Variants in PPARGC1A observed in about 807,000 individuals in gnomAD.
The protein encoded by PPARGC1A is peroxisome proliferator-activated receptor gamma coactivator 1-alpha.
PPARGC1A carries 25 observed loss-of-function variants against 88.7 expected under a neutral mutation model. The ratio of observed to expected loss-of-function variants is 0.28; its 90% CI spans 0.21 to 0.39. The LOEUF (loss-of-function observed/expected upper bound fraction) is 0.39, where lower values mean the gene tolerates loss of function less well. PPARGC1A is among the 10% of genes least tolerant of loss of function. PPARGC1A has a pLI of 1.00. For synonymous variants in PPARGC1A, 363 were observed against 355.6 expected, an observed-to-expected ratio of 1.02 and a Z score of -0.24; for missense variants, 880 against 968.7, an observed-to-expected ratio of 0.91 and a Z score of 1.22.
chr4:24,158,220 C>G, the PPARGC1A span, among the ~76,000 whole-genome samples: 1 of 152,170 alleles, frequency 6.6e-6, no homozygotes. Flanking sequence ...ATAGACATCT[C>G]CCCAGGGCAA....
the PPARGC1A span, among the ~76,000 whole-genome samples, chr4:23,986,317 T>C: frequency 6.6e-6 from 1 of 152,118 alleles, no homozygotes; most frequent in African/African-American, 2.4e-5. Flanking sequence ...CGTACTTTGG[T>C]TCGTGGCATT....
At chr4:24,339,864 G>A in the PPARGC1A span, among the ~76,000 whole-genome samples, 3 of 151,606 alleles carry the variant, frequency 2.0e-5, no homozygotes, top group Admixed American at 1.3e-4. Flanking sequence ...TCAGCCTCCC[G>A]AGTAGCTGGG....
the PPARGC1A span, among the ~76,000 whole-genome samples, chr4:24,430,947 T>C: frequency 2.0e-5 from 3 of 151,522 alleles, no homozygotes; most frequent in Non-Finnish European, 1.5e-5. Flanking sequence ...GTGAAACCCT[T>C]TCTCTACTAA....
At chr4:24,033,768 C>T in the PPARGC1A span, among the ~76,000 whole-genome samples, 1 of 152,182 alleles carries the variant, frequency 6.6e-6, no homozygotes, top group Non-Finnish European at 1.5e-5. Context: ...TGCTGCTAGC[C>T]TGTGTGAAAC....
intron 2 of PPARGC1A, among the ~76,000 whole-genome samples, chr4:23,839,195 A>C (rs1239784874): frequency 6.6e-6 from 1 of 152,204 alleles, no homozygotes; most frequent in Non-Finnish European, 1.5e-5. Context: ...TGAGTTAATA[A>C]ATATGTACTG....
At chr4:24,451,605 G>A in the PPARGC1A span, among the ~76,000 whole-genome samples, 1 of 152,120 alleles carries the variant, frequency 6.6e-6, no homozygotes, top group East Asian at 1.9e-4. Context: ...TTGAGATGGT[G>A]TCTTGCTCTG....
chr4:23,812,949 G>T lies in PPARGC1A; in HGVS notation c.1898+72C>A, dbSNP rs2109452162. On this transcript the variant is annotated intron_variant, in intron 9 of 12. Coordinates refer to ENST00000264867, the MANE Select transcript of PPARGC1A (RefSeq NM_013261.5). ...AATAATAATATGGGGAGGGGTATAGGGTTTTGGAGAACATCTTGTCATCTC... is the reference window on the plus strand; with the variant it reads ...AATAATAATATGGGGAGGGGTATAGTGTTTTGGAGAACATCTTGTCATCTC... 1.9e-6 allele frequency: 3 copies of T among 1,612,060 alleles called. No individual in the cohort carries two copies. In the East Asian group the frequency reaches 6.7e-5, roughly 36 times the overall value.
chr4:23,884,709 C>A (rs1360926401), intron 2 of PPARGC1A, 43 bp downstream of exon 2: 1 of 1,568,884 alleles, frequency 6.4e-7, no homozygotes, highest in East Asian at 2.3e-5. Context: ...CGGGCCCAAG[C>A]CAAACTCAAT....
the PPARGC1A span, among the ~76,000 whole-genome samples, chr4:24,264,689 T>G: frequency 4.3e-4 from 65 of 152,226 alleles, no homozygotes; most frequent in Admixed American, 4.3e-3. Context: ...CTACTAAGAA[T>G]TAGAGAGATG....
the PPARGC1A span, among the ~76,000 whole-genome samples, chr4:24,128,263 T>G: frequency 6.6e-6 from 1 of 152,152 alleles, no homozygotes; most frequent in Non-Finnish European, 1.5e-5. Flanking sequence ...GTGACTCAGT[T>G]TTTCCTTCTT....
chr4:24,134,650 G>C, the PPARGC1A span, among the ~76,000 whole-genome samples: 1 of 152,120 alleles, frequency 6.6e-6, no homozygotes, highest in Admixed American at 6.5e-5. Flanking sequence ...TTTAACACAG[G>C]GAGGGCTTCT....
At chr4:24,362,564 G>T in the PPARGC1A span, among the ~76,000 whole-genome samples, 1 of 152,112 alleles carries the variant, frequency 6.6e-6, no homozygotes, top group Non-Finnish European at 1.5e-5. Flanking sequence ...CCAAGAAGGA[G>T]CCAATGACAG....
chr4:24,161,147 G>T, the PPARGC1A span, among the ~76,000 whole-genome samples: 1 of 152,162 alleles, frequency 6.6e-6, no homozygotes. Context: ...GGATTGCAGT[G>T]GTCAAGAAGG....
the PPARGC1A span, among the ~76,000 whole-genome samples, chr4:24,239,424 A>G: frequency 6.6e-6 from 1 of 152,196 alleles, no homozygotes; most frequent in African/African-American, 2.4e-5. Flanking sequence ...AATCACAGGC[A>G]TCTGAGGGCT....
the PPARGC1A span, among the ~76,000 whole-genome samples, chr4:23,989,329 T>C: frequency 6.6e-6 from 1 of 152,006 alleles, no homozygotes; most frequent in South Asian, 2.1e-4. Flanking sequence ...TTTTTTTAAA[T>C]GTATGCTTTG....
chr4:24,101,144 G>A, the PPARGC1A span, among the ~76,000 whole-genome samples: 1 of 152,156 alleles, frequency 6.6e-6, no homozygotes. Context: ...ATTGGAACAC[G>A]GAAGTGGTTT....
chr4:24,332,835 C>T, the PPARGC1A span, among the ~76,000 whole-genome samples: 2 of 152,186 alleles, frequency 1.3e-5, no homozygotes, highest in East Asian at 1.9e-4. Flanking sequence ...TTTGCTCAGC[C>T]TCGCTGAGTC....
At chr4:23,932,600 T>C in the PPARGC1A span, among the ~76,000 whole-genome samples, 1 of 152,234 alleles carries the variant, frequency 6.6e-6, no homozygotes, top group East Asian at 1.9e-4. Context: ...CGAAGTAGTG[T>C]TTTTTTAAAA....
chr4:24,262,827 G>T, the PPARGC1A span, among the ~76,000 whole-genome samples: 2 of 152,064 alleles, frequency 1.3e-5, no homozygotes, highest in African/African-American at 4.8e-5. Context: ...GCAAGCGATG[G>T]CTGTGGTAAA....
Sources: gnomAD v4.1 joint callset for allele counts (sites outside exome capture counted in the v4.1 genomes callset) on GRCh38, gnomAD v4.1.1 for gene constraint, MANE v1.5 for transcripts, NCBI Gene and HGNC (gene_info 2026-07-23, HGNC 2026-07-21) for gene names.